FBXL20: variants seen among roughly 807,000 people sequenced by gnomAD.
The protein encoded by FBXL20 is F-box/LRR-repeat protein 20.
Under a neutral mutation model 64.0 loss-of-function variants are expected in FBXL20, and 11 were observed. That is an observed-to-expected ratio of 0.17 (90% CI 0.11 to 0.28). The LOEUF (loss-of-function observed/expected upper bound fraction) is 0.28, where lower values mean the gene tolerates loss of function less well. Among genes scored for constraint, FBXL20 ranks in the 10% least tolerant of loss-of-function variants. The probability of loss-of-function intolerance (pLI) is 1.00; values close to 1 mark genes in which losing one functional copy is unlikely to be tolerated. For missense variants in FBXL20, 303 were observed against 526.2 expected (o/e 0.58, Z 4.15); for synonymous variants, 184 against 189.0 (o/e 0.97, Z 0.22).
intron 9 of FBXL20, among the ~76,000 whole-genome samples, chr17:39,277,754 CAAAAAAAAAAAA>C (rs34095802): frequency 3.9e-4 from 35 of 89,906 alleles, no homozygotes; most frequent in African/African-American, 1.6e-3. Context: ...AACTCCGTCT[CAAAAAAAAAAAA>C]AAAAAAAAAG....
Position 39,266,673 on chromosome 17 carries a change from C to T in FBXL20, c.934-1220G>A, listed in dbSNP as rs561707960. Among the ~76,000 whole-genome samples the T allele has an allele frequency of 2.0e-5, 3 of 152,318 alleles. No homozygotes were observed. The East Asian group carries it at 5.8e-4, about 29-fold the overall frequency. On this transcript the variant is annotated intron_variant, in intron 12 of 14. Transcript: ENST00000264658. The stretch of plus-strand genomic sequence containing the variant: ...CCATGTCTTATTCTTGACTACATTT[C>T]TAGTCCAGACATTTTAATAATCAAT...
chr17:39,368,918 G>C (rs1393970448), intron 1 of FBXL20, among the ~76,000 whole-genome samples: 1 of 152,056 alleles, frequency 6.6e-6, no homozygotes, highest in Non-Finnish European at 1.5e-5. Context: ...GCCTCCCAAA[G>C]TGCTCGGATT....
In FBXL20 at chr17:39,281,469, A is replaced by G. The variant is rs753897013; in HGVS notation, c.622-6T>C. Reference sequence around the variant, plus strand: ...TTGAGAGCTTCATCTTCTAGCTAGAAAGATTAAAAAGTAAGAAAAAAATGA... The same window carrying G: ...TTGAGAGCTTCATCTTCTAGCTAGAGAGATTAAAAAGTAAGAAAAAAATGA... On this transcript the variant is annotated splice_polypyrimidine_tract_variant and splice_region_variant and intron_variant, in intron 8 of 14. Coordinates refer to ENST00000264658, the MANE Select transcript of FBXL20 (RefSeq NM_032875.3). 1 of 1,609,428 alleles carries G rather than the reference A, an allele frequency of 6.2e-7. No individual in the cohort carries two copies.
chr17:39,318,721 CA>C (rs2047320784), intron 2 of FBXL20, among the ~76,000 whole-genome samples: 1 of 151,590 alleles, frequency 6.6e-6, no homozygotes, highest in South Asian at 2.1e-4. Flanking sequence ...GCCTGGGCAA[CA>C]AGAGCCAAAC....
At chr17:39,349,793 G>A (rs191524997) in intron 1 of FBXL20, among the ~76,000 whole-genome samples, 77 of 151,986 alleles carry the variant, frequency 5.1e-4, no homozygotes, top group African/African-American at 1.6e-3. Flanking sequence ...AAAATTAGCC[G>A]GGCATGGTGG....
chr17:39,363,379 A>C (rs549917550), intron 1 of FBXL20, among the ~76,000 whole-genome samples: 1 of 149,782 alleles, frequency 6.7e-6, no homozygotes, highest in South Asian at 2.1e-4. Context: ...TGGTCTCAAA[A>C]CTCCTAGTCT....
intron 2 of FBXL20, among the ~76,000 whole-genome samples, chr17:39,316,145 A>C (rs146661157): frequency 1.3e-5 from 2 of 152,328 alleles, no homozygotes; most frequent in African/African-American, 2.4e-5. Context: ...GGAGATGTGA[A>C]TCTGGAAAGG....
intron 2 of FBXL20, among the ~76,000 whole-genome samples, chr17:39,305,558 A>G (rs2047174259): frequency 6.6e-6 from 1 of 152,110 alleles, no homozygotes; most frequent in Non-Finnish European, 1.5e-5. Context: ...AAAAGAAAAA[A>G]CATAGCTTTG....
At chr17:39,263,936 C>T in intron 14 of FBXL20, 2 of 387,480 alleles carry the variant, frequency 5.2e-6, no homozygotes, top group South Asian at 3.3e-5. Context: ...ATTAGACAGA[C>T]TCTGCTGGGA....
chr17:39,285,266 C>T (rs1318795883), intron 7 of FBXL20, among the ~76,000 whole-genome samples: 1 of 152,062 alleles, frequency 6.6e-6, no homozygotes, highest in Non-Finnish European at 1.5e-5. Context: ...AACTGTACTA[C>T]CCTGTTCAGA....
At position 39,396,863 on chromosome 17, in the gene FBXL20, AGGAGAAT is replaced by A. The variant is rs777732089; in HGVS notation, c.42+4491_42+4497del. Among the ~76,000 whole-genome samples the A allele has an allele frequency of 2.0e-5, 3 of 151,360 alleles. No individual in the cohort carries two copies. The East Asian group carries it at 5.9e-4, about 30-fold the overall frequency. On this transcript the variant is annotated intron_variant, in intron 1 of 14. Coordinates refer to ENST00000264658, the MANE Select transcript of FBXL20 (RefSeq NM_032875.3). ...TCCCAGCTACTCGGGAGGCTGCGGCAGGAGAATGGCGTGAACCTGGGAGGCGGAGTTT... is the reference window on the plus strand; with the variant it reads ...TCCCAGCTACTCGGGAGGCTGCGGCAGGCGTGAACCTGGGAGGCGGAGTTT...
chr17:39,389,167 C>A (rs1160529930), intron 1 of FBXL20, among the ~76,000 whole-genome samples: 1 of 150,522 alleles, frequency 6.6e-6, no homozygotes, highest in Non-Finnish European at 1.5e-5. Flanking sequence ...TATATAACCC[C>A]AGTCAACTGT....
chr17:39,343,449 G>A (rs1461683308), intron 1 of FBXL20, among the ~76,000 whole-genome samples: 2 of 152,154 alleles, frequency 1.3e-5, no homozygotes, highest in Non-Finnish European at 2.9e-5. Flanking sequence ...AAAAACAAGA[G>A]CAGTCAGAAG....
intron 1 of FBXL20, among the ~76,000 whole-genome samples, chr17:39,357,290 AAAAG>A (rs1336860547): frequency 6.6e-6 from 1 of 151,644 alleles, no homozygotes; most frequent in East Asian, 1.9e-4. Context: ...AAAAAAAAAA[AAAAG>A]ACTTTTTTTG....
intron 1 of FBXL20, among the ~76,000 whole-genome samples, chr17:39,383,344 G>A (rs992606429): frequency 6.6e-5 from 10 of 151,996 alleles, no homozygotes; most frequent in African/African-American, 9.7e-5. Context: ...ACCTTGGTCG[G>A]GTATGATGGC....
intron 1 of FBXL20, among the ~76,000 whole-genome samples, chr17:39,374,923 A>G (rs949486625): frequency 6.6e-6 from 1 of 152,040 alleles, no homozygotes; most frequent in African/African-American, 2.4e-5. Flanking sequence ...AGCAGCCGGG[A>G]CTACAGGCGC....
intron 2 of FBXL20, among the ~76,000 whole-genome samples, chr17:39,315,868 A>AGAGAGAGAGAGAGAGAGAGG (rs368094288): frequency 6.9e-6 from 1 of 144,516 alleles, no homozygotes. Context: ...AGAGAGAGAG[A>AGAGAGAGAGAGAGAGAGAGG]GAGCAACTGT....
chr17:39,293,639 A>G (rs1017141969), intron 6 of FBXL20, among the ~76,000 whole-genome samples: 16 of 152,156 alleles, frequency 1.1e-4, no homozygotes, highest in Admixed American at 9.2e-4. Context: ...CAGGTGTTCA[A>G]TGAATTTTCT....
At chr17:39,387,522 G>A (rs1452819911) in intron 1 of FBXL20, among the ~76,000 whole-genome samples, 1 of 151,168 alleles carries the variant, frequency 6.6e-6, no homozygotes, top group Non-Finnish European at 1.5e-5. Flanking sequence ...CAGGTGATCT[G>A]GCCGTCTCGG....
Sources: allele counts gnomAD v4.1 joint callset (sites outside exome capture counted in the v4.1 genomes callset), GRCh38; gene constraint gnomAD v4.1.1; transcripts MANE v1.5; gene names NCBI Gene and HGNC (gene_info 2026-07-23, HGNC 2026-07-21).